PCDHA6: variants seen among roughly 807,000 people sequenced by gnomAD.
PCDHA6 encodes the protein protocadherin alpha-6.
A neutral mutation model predicts 60.3 loss-of-function variants in PCDHA6; 55 were observed. The observed-to-expected ratio is 0.91, with a 90% confidence interval of 0.73 to 1.14. The LOEUF is 1.14. Ranked by LOEUF, PCDHA6 falls within the 50% of genes most tolerant of loss-of-function variation. The pLI is 0.00. For synonymous variants in PCDHA6, 652 were observed against 557.9 expected (o/e 1.17, Z -2.38); for missense variants, 1,327 against 1,256.5 (o/e 1.06, Z -0.85).
Position 141,009,916 on chromosome 5 carries a change from G to T in PCDHA6, c.2832G>T (p.Thr944=). The change falls in exon 4 of 4, where the codon ACG becomes ACT. Residue 944 remains threonine, a synonymous_variant. Coordinates refer to ENST00000529310, the MANE Select transcript of PCDHA6 (RefSeq NM_018909.4). ...AGAAAAAAGAGAAAGGGAACAGCAC[G>T]ACTGACAACAGTGACCAGTGAGGTC... ...TQEKKEKGNS[T]TDNSDQ The T allele has an allele frequency of 6.2e-7, 1 of 1,611,502 alleles. No individual in the cohort carries two copies. Among genetic ancestry groups the T allele is most frequent in the South Asian group, 1.1e-5 (1 of 90,550 alleles).
intron 1 of PCDHA6, chr5:140,857,310 A>C (rs781828328): frequency 6.3e-7 from 1 of 1,598,608 alleles, no homozygotes; most frequent in Admixed American, 1.7e-5. Flanking sequence ...TCGGCCTATG[A>C]GCTGGTGGTG....
intron 1 of PCDHA6, chr5:140,883,195 T>A (rs781816525): frequency 6.2e-7 from 1 of 1,613,786 alleles, no homozygotes; most frequent in Non-Finnish European, 8.5e-7. Context: ...GCAAACTAGA[T>A]TTCGAAGAAA....
intron 1 of PCDHA6, chr5:140,870,420 G>T (rs371557347): frequency 1.4e-5 from 23 of 1,614,116 alleles, no homozygotes; most frequent in Non-Finnish European, 1.9e-5. Flanking sequence ...CCACGGCCAG[G>T]GTATCCGTGG....
chr5:140,841,433 G>C, intron 1 of PCDHA6: 1 of 1,612,986 alleles, frequency 6.2e-7, no homozygotes, highest in Non-Finnish European at 8.5e-7. Flanking sequence ...CGTCCCCGAG[G>C]AGGCCAAACA....
intron 1 of PCDHA6, chr5:140,881,346 A>G (rs534939044): frequency 1.0e-6 from 1 of 985,162 alleles, no homozygotes; most frequent in Non-Finnish European, 1.2e-6. Context: ...GATTCGGGCT[A>G]CAATGCGTGG....
At chr5:140,916,399 C>G (rs1421171065) in intron 1 of PCDHA6, among the ~76,000 whole-genome samples, 2 of 152,168 alleles carry the variant, frequency 1.3e-5, no homozygotes, top group African/African-American at 4.8e-5. Context: ...TGTGCTGGAT[C>G]ACACCTGAAG....
intron 1 of PCDHA6, among the ~76,000 whole-genome samples, chr5:140,914,765 T>A (rs2076829694): frequency 6.6e-6 from 1 of 152,080 alleles, no homozygotes. Flanking sequence ...TTACATGAGG[T>A]TTATGACTTA....
At chr5:140,989,174 G>T (rs1305141291) in intron 3 of PCDHA6, among the ~76,000 whole-genome samples, 3 of 152,132 alleles carry the variant, frequency 2.0e-5, no homozygotes, top group Non-Finnish European at 4.4e-5. Flanking sequence ...TAAAACAGGA[G>T]AGTTTCTGAA....
chr5:140,972,399 T>C (rs1554234105), intron 1 of PCDHA6, among the ~76,000 whole-genome samples: 2 of 152,062 alleles, frequency 1.3e-5, no homozygotes, highest in South Asian at 2.1e-4. Context: ...TGCTTCACTA[T>C]TGGCAAACCC....
At chr5:140,842,199 T>G in intron 1 of PCDHA6, 1 of 1,613,772 alleles carries the variant, frequency 6.2e-7, no homozygotes, top group African/African-American at 1.3e-5. Context: ...ATTGACCACT[T>G]TAGCATAGAT....
At chr5:140,884,221 G>A in intron 1 of PCDHA6, 1 of 1,613,488 alleles carries the variant, frequency 6.2e-7, no homozygotes, top group East Asian at 2.2e-5. Context: ...TGGTGCTGGT[G>A]AAGGACCACG....
At chr5:140,883,844 G>T (rs1404353270) in intron 1 of PCDHA6, 10 of 1,612,718 alleles carry the variant, frequency 6.2e-6, no homozygotes, top group South Asian at 1.1e-5. Flanking sequence ...GTTGGACCAC[G>T]AGGAGCTGGA....
At chr5:140,905,130 G>A (rs2071615464) in intron 1 of PCDHA6, among the ~76,000 whole-genome samples, 1 of 152,178 alleles carries the variant, frequency 6.6e-6, no homozygotes, top group African/African-American at 2.4e-5. Flanking sequence ...GTCTAGAAGA[G>A]TTTTTCTGCT....
chr5:141,009,597 G>A (rs1284925593), intron 3 of PCDHA6, 30 bp from the exon 4 acceptor site: 1 of 1,605,790 alleles, frequency 6.2e-7, no homozygotes, highest in Non-Finnish European at 8.5e-7. Flanking sequence ...TGTTGACCCT[G>A]TTAATGATTT....
At chr5:140,948,819 A>G (rs1332127797) in intron 1 of PCDHA6, among the ~76,000 whole-genome samples, 5 of 151,420 alleles carry the variant, frequency 3.3e-5, no homozygotes, top group Middle Eastern at 3.4e-3. Context: ...TTTCTATTTC[A>G]TTAATTTCTG....
chr5:140,922,926 T>C (rs1476173998), intron 1 of PCDHA6, among the ~76,000 whole-genome samples: 2 of 152,222 alleles, frequency 1.3e-5, no homozygotes, highest in African/African-American at 4.8e-5. Context: ...CTTCAGACTT[T>C]TACTTCCAGC....
chr5:140,884,478 C>G, intron 1 of PCDHA6: 1 of 1,613,916 alleles, frequency 6.2e-7, no homozygotes, highest in African/African-American at 1.3e-5. Context: ...CCGGGCAAGC[C>G]CACTCTAGTG....
intron 1 of PCDHA6, chr5:140,930,415 G>T (rs2086824319): frequency 6.6e-6 from 1 of 151,804 alleles, no homozygotes; most frequent in African/African-American, 2.4e-5. Flanking sequence ...TGAGACAGGG[G>T]TCTCACTATG....
intron 3 of PCDHA6, among the ~76,000 whole-genome samples, chr5:140,997,614 A>G (rs1355709943): frequency 6.6e-6 from 1 of 152,148 alleles, no homozygotes; most frequent in Admixed American, 6.6e-5. Context: ...GCATGACTAT[A>G]TAGAGATTTT....
Sources: gnomAD v4.1 joint callset for allele counts (sites outside exome capture counted in the v4.1 genomes callset) on GRCh38, gnomAD v4.1.1 for gene constraint, MANE v1.5 for transcripts, NCBI Gene and HGNC (gene_info 2026-07-23, HGNC 2026-07-21) for gene names.